The following OTOGL variants were observed in gnomAD, a reference collection of about 807,000 sequenced individuals.
OTOGL encodes otogelin like, also known as otogelin-like protein.
OTOGL carries 285 observed loss-of-function variants against 318.5 expected under a neutral mutation model. That is an observed-to-expected ratio of 0.89 (90% CI 0.81 to 0.99). The LOEUF (loss-of-function observed/expected upper bound fraction) is 0.99, where lower values mean the gene tolerates loss of function less well. OTOGL is among the 50% of genes least tolerant of loss of function. OTOGL has a pLI of 0.00. For synonymous variants in OTOGL, 987 were observed against 936.5 expected (o/e 1.05, Z -0.99); for missense variants, 2,899 against 2,845.6 (o/e 1.02, Z -0.43).
At chr12:80,337,413 G>A (rs1405771402) in intron 42 of OTOGL, among the ~76,000 whole-genome samples, 2 of 152,010 alleles carry the variant, frequency 1.3e-5, no homozygotes, top group African/African-American at 4.8e-5. Context: ...ACAGATAGAA[G>A]GAGTGGGTTT....
At chr12:80,169,652 TC>T (rs1289138900) in intron 1 of OTOGL, among the ~76,000 whole-genome samples, 3 of 152,198 alleles carry the variant, frequency 2.0e-5, no homozygotes, top group African/African-American at 7.2e-5. Flanking sequence ...CCCAAATCTT[TC>T]CTTTTGATGT....
rs34387877 is a variant in OTOGL, at chr12:80,272,550, GC to G, written c.2681+743del. ...GCACACATATAATCTGGCCTCCCTGGCCCTCCCTCTTCTGGTAATGAAATAG... is the reference window on the plus strand; with the variant it reads ...GCACACATATAATCTGGCCTCCCTGGCCTCCCTCTTCTGGTAATGAAATAG... On this transcript the variant is annotated intron_variant, in intron 24 of 58. Transcript: ENST00000547103. Among the ~76,000 whole-genome samples the G allele has an allele frequency of 8.6e-3, 1,313 of 152,108 alleles. 20 individuals carry two copies. The highest frequency in any genetic ancestry group is 0.026 in the African/African-American group (1,083 of 41,510).
Position 80,219,794 on chromosome 12 carries a change from T to TA in OTOGL, c.236-20_236-19insA, listed in dbSNP as rs1455688979. On this transcript the variant is annotated intron_variant, in intron 5 of 58. Transcript: ENST00000547103. ...CAAATGGATGCCAGAAGATAACTTT[T>TA]TTTTTTTTTTCCCCCTCAGGTTCTT... 2 of 1,474,342 alleles carry TA rather than the reference T, an allele frequency of 1.4e-6. No homozygotes were observed. Among genetic ancestry groups the TA allele is most frequent in the African/African-American group, 1.4e-5 (1 of 71,142 alleles). 91.3% of individuals were successfully genotyped at this position (1,474,342 alleles called of 1,614,324 possible).
chr12:80,328,522 T>C, intron 35 of OTOGL, 143 bp from the exon 36 acceptor site: 1 of 629,364 alleles, frequency 1.6e-6, no homozygotes, highest in Non-Finnish European at 2.8e-6. Context: ...AAGTAGCAGA[T>C]GGAGCAGTTG....
chr12:80,373,398 C>T (rs1890999265), intron 57 of OTOGL, among the ~76,000 whole-genome samples: 1 of 152,054 alleles, frequency 6.6e-6, no homozygotes, highest in South Asian at 2.1e-4. Flanking sequence ...CGCCACTGCA[C>T]TCCAGCCTGG....
chr12:80,307,385 C>T (rs549472813), intron 29 of OTOGL, among the ~76,000 whole-genome samples: 22 of 151,098 alleles, frequency 1.5e-4, no homozygotes, highest in South Asian at 4.2e-4. Context: ...TAGGCGCGGC[C>T]GGGCAGAGGC....
At chr12:80,326,276 A>G (rs941735157) in intron 35 of OTOGL, among the ~76,000 whole-genome samples, 1 of 152,050 alleles carries the variant, frequency 6.6e-6, no homozygotes, top group African/African-American at 2.4e-5. Context: ...AGCTTTTACG[A>G]GAAAAGCTGC....
Position 80,318,507 on chromosome 12 carries a change from C to G in OTOGL, c.3635-39C>G, listed in dbSNP as rs1324266416. 8.4e-6 allele frequency: 10 copies of G among 1,186,008 alleles called. No homozygotes were observed. In the African/African-American group the frequency reaches 1.6e-4, roughly 19 times the overall value. The allele number at this position is 1,186,008 out of a possible 1,614,324, so 73.5% of individuals were successfully genotyped here. On this transcript the variant is annotated intron_variant, in intron 32 of 58. Coordinates refer to ENST00000547103, the MANE Select transcript of OTOGL (RefSeq NM_001378609.3). ...AATGACAGATTGAAATTTTAAAAAT[C>G]TATGCCAATTTATAATTCTAATATT...
chr12:80,103,146 T>G, intron 1 of OTOGL: 1 of 1,194,118 alleles, frequency 8.4e-7, no homozygotes. Context: ...TTGCTGACCT[T>G]CGTAGTGTCC....
At chr12:80,165,575 C>T (rs553053786) in intron 1 of OTOGL, among the ~76,000 whole-genome samples, 63 of 152,330 alleles carry the variant, frequency 4.1e-4, no homozygotes, top group African/African-American at 1.5e-3. Context: ...ATCAACTGAG[C>T]TCTGTTTCTT....
rs757980880 is a variant in OTOGL at position 80,310,715 on chromosome 12, T to C, written c.3438T>C (p.Ser1146=). 2 of 1,569,990 alleles carry C rather than the reference T, an allele frequency of 1.3e-6. No individual in the cohort carries two copies. The highest frequency in any genetic ancestry group is 1.1e-5 in the South Asian group (1 of 90,428). The change falls in exon 30 of 59, where the codon TCT becomes TCC. Residue 1146 remains serine, a synonymous_variant. Coordinates refer to ENST00000547103, the MANE Select transcript of OTOGL (RefSeq NM_001378609.3). ...TTTTGTACAGTGATATTTTTGCTTC[T>C]TGTCGCAATGTGGTAAATGAATACT... is the stretch of plus-strand genomic sequence containing the variant. ...CSILYSDIFA[S]CRNVIDVTSF...
chr12:80,291,111 A>G (rs1885014673), intron 26 of OTOGL, among the ~76,000 whole-genome samples: 1 of 152,068 alleles, frequency 6.6e-6, no homozygotes, highest in Non-Finnish European at 1.5e-5. Flanking sequence ...ATTTGTCTTA[A>G]CTCTGAGTCC....
chr12:80,209,462 A>G lies in OTOGL; in HGVS notation c.31A>G (p.Ile11Val), dbSNP rs1220719526. MNIVRKLNLMIPWSIFLLHVL... is the reference protein window; with the variant it reads MNIVRKLNLMVPWSIFLLHVL... The stretch of plus-strand genomic sequence containing the variant: ...CATTGTAAGAAAACTCAATTTAATG[A>G]TACCTTGGAGTATATTCTTGCTTCA... Residue 11 changes from isoleucine to valine, a missense_variant, in exon 2 of 59, where the codon ATA becomes GTA. This residue lies in a region of OTOGL where 2,607 missense variants were observed against 2,524.9 expected (regional missense o/e 1.03). Transcript: ENST00000547103. 4 of 1,513,944 alleles carry G rather than the reference A, an allele frequency of 2.6e-6. No homozygotes were observed. The Admixed American group carries it at 8.0e-5, about 30-fold the overall frequency. 93.8% of individuals were successfully genotyped at this position (1,513,944 alleles called of 1,614,324 possible). A position where few individuals can be genotyped will look rare whatever the true frequency, so the allele number is the denominator to read the frequency against.
rs772952947 is a variant in OTOGL, at chr12:80,356,486, C to CAGTACAAA, written c.5880_5881insACAAAAGT (p.Pro1961ThrfsTer18). 3 of 1,611,710 alleles carry CAGTACAAA rather than the reference C, an allele frequency of 1.9e-6. No individual in the cohort carries two copies. Among genetic ancestry groups the CAGTACAAA allele is most frequent in the Non-Finnish European group, 2.5e-6 (3 of 1,178,832 alleles). ...ATAGTCAAAAATTGATTGTTGGCCA[C>CAGTACAAA]AGTCCTCTTTCTTGCTGTCCACAGT... On this transcript the variant is annotated frameshift_variant, in exon 48 of 59. Transcript: ENST00000547103. LOFTEE classifies it high-confidence loss of function.
At chr12:80,317,454 G>T (rs553573331) in intron 32 of OTOGL, among the ~76,000 whole-genome samples, 1 of 152,178 alleles carries the variant, frequency 6.6e-6, no homozygotes, top group South Asian at 2.1e-4. Context: ...GTATTAAGGG[G>T]TGTGTGCAGC....
rs1238443560 is a variant in OTOGL at position 80,358,664 on chromosome 12, T to C, written c.6122-7T>C. 1 of 1,594,768 alleles carries C rather than the reference T, an allele frequency of 6.3e-7. No individual in the cohort carries two copies. The highest frequency in any genetic ancestry group is 8.6e-7 in the Non-Finnish European group (1 of 1,166,464). ...TTCATCTTTACCCATGTAATTTTTC[T>C]TTTTAGTATGTGAACCAAACCTTTG... On this transcript the variant is annotated splice_region_variant and splice_polypyrimidine_tract_variant and intron_variant, in intron 50 of 58. Coordinates refer to ENST00000547103, the MANE Select transcript of OTOGL (RefSeq NM_001378609.3).
chr12:80,157,148 G>A (rs1482092916), intron 1 of OTOGL, among the ~76,000 whole-genome samples: 1 of 152,038 alleles, frequency 6.6e-6, no homozygotes, highest in Non-Finnish European at 1.5e-5. Flanking sequence ...GAGGTGAGGT[G>A]ATATCTCATT....
At chr12:80,349,150 T>A (rs1319932682) in intron 44 of OTOGL, among the ~76,000 whole-genome samples, 2 of 152,030 alleles carry the variant, frequency 1.3e-5, no homozygotes, top group African/African-American at 4.8e-5. Context: ...AGTAAAAACA[T>A]CGAGCAGAAA....
At chr12:80,175,939 G>C (rs1361510309) in intron 1 of OTOGL, among the ~76,000 whole-genome samples, 1 of 152,212 alleles carries the variant, frequency 6.6e-6, no homozygotes, top group East Asian at 1.9e-4. Context: ...GTGATGCACA[G>C]ATAGGATTTT....
Sources: gnomAD v4.1 joint callset for allele counts (sites outside exome capture counted in the v4.1 genomes callset) on GRCh38, gnomAD v4.1.1 for gene constraint, gnomAD v4.1.1 regional missense constraint, MANE v1.5 for transcripts, NCBI Gene and HGNC (gene_info 2026-07-23, HGNC 2026-07-21) for gene names.